Variants in QKI observed in about 807,000 individuals in gnomAD.
QKI encodes the protein KH domain-containing RNA-binding protein QKI.
QKI carries 10 observed loss-of-function variants against 39.0 expected under a neutral mutation model. The observed-to-expected ratio is 0.26, with a 90% CI of 0.16 to 0.43. The LOEUF (loss-of-function observed/expected upper bound fraction) is 0.43, where lower values mean the gene tolerates loss of function less well. QKI is among the 20% of genes least tolerant of loss of function. QKI has a pLI of 1.00. For synonymous variants in QKI, 204 were observed against 155.4 expected (o/e 1.31, Z -2.33); for missense variants, 218 against 428.0 (o/e 0.51, Z 4.33).
rs375640583 is a variant in QKI, at chr6:163,439,656, CTTT to C, written c.143-15608_143-15606del. 7.2e-5 allele frequency among the ~76,000 whole-genome samples: 9 copies of C among 124,236 alleles called. No individual in the cohort carries two copies. The South Asian group carries it at 1.3e-3, about 18-fold the overall frequency. The allele number at this position is 124,236 out of a possible 152,430, so 81.5% of individuals were successfully genotyped here. ...GGCATGAGCCACCGCGTCCTGAATC[CTTT>C]TTTTTTTTTTTTTTGAAACAGAGTC... On this transcript the variant is annotated intron_variant, in intron 1 of 7. Coordinates refer to ENST00000361752, the MANE Select transcript of QKI (RefSeq NM_006775.3).
chr6:163,439,657 T>C (rs1165951948), intron 1 of QKI, among the ~76,000 whole-genome samples: 4 of 74,280 alleles, frequency 5.4e-5, no homozygotes, highest in African/African-American at 1.9e-4. Flanking sequence ...TCCTGAATCC[T>C]TTTTTTTTTT....
intron 3 of QKI, among the ~76,000 whole-genome samples, chr6:163,485,650 C>T (rs1583073827): frequency 6.6e-6 from 1 of 152,194 alleles, no homozygotes; most frequent in African/African-American, 2.4e-5. Context: ...TTCTGTCCTT[C>T]CTTCTCTCCC....
intron 1 of QKI, among the ~76,000 whole-genome samples, chr6:163,424,240 A>C (rs978611420): frequency 1.4e-4 from 22 of 152,340 alleles, no homozygotes; most frequent in Admixed American, 1.2e-3. Flanking sequence ...ATTACCCTGA[A>C]ACCGCATCTA....
At chr6:163,548,483 T>C (rs1782027218) in intron 4 of QKI, among the ~76,000 whole-genome samples, 1 of 152,260 alleles carries the variant, frequency 6.6e-6, no homozygotes, top group Non-Finnish European at 1.5e-5. Flanking sequence ...ATATGTGTGA[T>C]GGTCATACAC....
At chr6:163,433,624 G>A (rs905352094) in intron 1 of QKI, among the ~76,000 whole-genome samples, 3 of 151,976 alleles carry the variant, frequency 2.0e-5, no homozygotes, top group African/African-American at 4.8e-5. Context: ...AAAATTAGCC[G>A]GGTGTGGTGG....
intron 4 of QKI, among the ~76,000 whole-genome samples, chr6:163,553,170 C>T (rs1167716787): frequency 6.6e-6 from 1 of 151,078 alleles, no homozygotes; most frequent in East Asian, 1.9e-4. Flanking sequence ...ATGGCACGAT[C>T]TCGGCTCACT....
chr6:163,495,060 A>C (rs1050354557), intron 3 of QKI, among the ~76,000 whole-genome samples: 2 of 151,726 alleles, frequency 1.3e-5, no homozygotes, highest in African/African-American at 4.8e-5. Flanking sequence ...GGATTATAGG[A>C]GCGTGTCAAA....
At chr6:163,552,227 T>TTTTA (rs1273500054) in intron 4 of QKI, among the ~76,000 whole-genome samples, 1 of 148,254 alleles carries the variant, frequency 6.7e-6, no homozygotes, top group African/African-American at 2.5e-5. Context: ...TTTTTTTTTT[T>TTTTA]TGACAGAGAC....
At chr6:163,478,319 GTA>G (rs1792785699) in intron 2 of QKI, among the ~76,000 whole-genome samples, 1 of 152,178 alleles carries the variant, frequency 6.6e-6, no homozygotes, top group Admixed American at 6.5e-5. Flanking sequence ...TTTGGAGAAA[GTA>G]TAATTTTTCT....
At chr6:163,497,245 C>T (rs1290192783) in intron 3 of QKI, among the ~76,000 whole-genome samples, 2 of 152,072 alleles carry the variant, frequency 1.3e-5, no homozygotes, top group Non-Finnish European at 2.9e-5. Context: ...TTTGTGCCAT[C>T]ATTAGTTTTG....
chr6:163,485,621 C>A (rs1777611886), intron 3 of QKI, among the ~76,000 whole-genome samples: 1 of 152,116 alleles, frequency 6.6e-6, no homozygotes, highest in Non-Finnish European at 1.5e-5. Flanking sequence ...CTTGTGGGTT[C>A]CTCCTTCTCA....
Position 163,570,807 on chromosome 6 carries a change from C to G in QKI, c.*97C>G. On this transcript the variant is annotated 3_prime_UTR_variant, in exon 8 of 8. Coordinates refer to ENST00000361752, the MANE Select transcript of QKI (RefSeq NM_006775.3). ...CTGGTAATCGCCTTTGCTTGCCTGT[C>G]GTCAGTGCAGCGAGCTGAGGCACTT... 2 of 1,515,572 alleles carry G rather than the reference C, an allele frequency of 1.3e-6. No homozygotes were observed. Among genetic ancestry groups the G allele is most frequent in the African/African-American group, 1.4e-5 (1 of 71,508 alleles). The allele number at this position is 1,515,572 out of a possible 1,614,324, so 93.9% of individuals were successfully genotyped here. A position where few individuals can be genotyped will look rare whatever the true frequency, so the allele number is the denominator to read the frequency against.
intron 4 of QKI, among the ~76,000 whole-genome samples, chr6:163,555,700 C>T (rs1782548330): frequency 6.6e-6 from 1 of 152,088 alleles, no homozygotes; most frequent in African/African-American, 2.4e-5. Context: ...GTAAACTGTT[C>T]AATGCCCTGA....
At position 163,485,478 on chromosome 6, in the gene QKI, G is replaced by T. The variant is rs554685013; in HGVS notation, c.402+6582G>T. ...GTGGAGTGACAAGTAGTACATTGAAGTTCACCCTTTGGGTATATATATGCA... is the reference window on the plus strand; with the variant it reads ...GTGGAGTGACAAGTAGTACATTGAATTTCACCCTTTGGGTATATATATGCA... On this transcript the variant is annotated intron_variant, in intron 3 of 7. Coordinates refer to ENST00000361752, the MANE Select transcript of QKI (RefSeq NM_006775.3). Among the ~76,000 whole-genome samples, 3 of 152,268 alleles carry T rather than the reference G, an allele frequency of 2.0e-5. No homozygotes were observed. In the South Asian group the frequency reaches 6.2e-4, roughly 32 times the overall value.
chr6:163,444,115 T>C (rs909840254), intron 1 of QKI, among the ~76,000 whole-genome samples: 4 of 152,180 alleles, frequency 2.6e-5, no homozygotes, highest in Non-Finnish European at 5.9e-5. Flanking sequence ...TTAGAATATA[T>C]AGTTCTGGCA....
At chr6:163,487,983 A>G (rs998537350) in intron 3 of QKI, among the ~76,000 whole-genome samples, 1 of 151,870 alleles carries the variant, frequency 6.6e-6, no homozygotes, top group African/African-American at 2.4e-5. Context: ...TTAATTCTTT[A>G]TTTGCTAGTT....
chr6:163,444,111 T>C (rs1404278522), intron 1 of QKI, among the ~76,000 whole-genome samples: 2 of 152,200 alleles, frequency 1.3e-5, no homozygotes, highest in Non-Finnish European at 1.5e-5. Flanking sequence ...CATTTTAGAA[T>C]ATATAGTTCT....
At chr6:163,464,628 C>A (rs1791592738) in intron 2 of QKI, among the ~76,000 whole-genome samples, 1 of 152,040 alleles carries the variant, frequency 6.6e-6, no homozygotes, top group Non-Finnish European at 1.5e-5. Flanking sequence ...CCTATCAGGA[C>A]CACATCATGA....
chr6:163,524,999 A>G (rs1054363018), intron 3 of QKI, among the ~76,000 whole-genome samples: 1 of 152,188 alleles, frequency 6.6e-6, no homozygotes, highest in African/African-American at 2.4e-5. Flanking sequence ...GCCTAACACT[A>G]AACAGCTATT....
Sources: gnomAD v4.1 joint callset for allele counts (sites outside exome capture counted in the v4.1 genomes callset) on GRCh38, gnomAD v4.1.1 for gene constraint, MANE v1.5 for transcripts, NCBI Gene and HGNC (gene_info 2026-07-23, HGNC 2026-07-21) for gene names.